WASHC2A: variants seen among roughly 807,000 people sequenced by gnomAD.
WASHC2A encodes WASH complex subunit 2A.
WASHC2A carries 82 observed loss-of-function variants against 140.3 expected under a neutral mutation model. The observed-to-expected ratio is 0.58, with a 90% CI of 0.49 to 0.70. The LOEUF (loss-of-function observed/expected upper bound fraction) is 0.70, where lower values mean the gene tolerates loss of function less well. WASHC2A is among the 30% of genes least tolerant of loss of function. WASHC2A has a pLI of 0.00. For synonymous variants in WASHC2A, 340 were observed against 560.8 expected, an observed-to-expected ratio of 0.61 and a Z score of 5.56; for missense variants, 985 against 1,521.8, an observed-to-expected ratio of 0.65 and a Z score of 5.87.
intron 26 of WASHC2A, 94 bp from the exon 27 acceptor site, chr10:50,127,066 A>G: frequency 1.5e-6 from 2 of 1,375,480 alleles, no homozygotes; most frequent in Non-Finnish European, 2.1e-6. Context: ...AGAAAGTGAC[A>G]GTTTTGCTCC....
chr10:50,091,495 G>A lies in WASHC2A; in HGVS notation c.908G>A (p.Gly303Asp). Residue 303 changes from glycine (G) to aspartate (D), a missense_variant, in exon 10 of 31, where the codon GGT (glycine) becomes GAT (aspartate). Transcript: ENST00000282633. ...GCCCGCATCAAGGGGGATGCCGTGG[G>A]TCGAGTGGACGAGGAGCCGACAAGT... ...LAARIKGDAV[G>D]RVDEEPTTLP... 2 of 1,550,340 alleles carry A rather than the reference G, an allele frequency of 1.3e-6. No homozygotes were observed. Among genetic ancestry groups the A allele is most frequent in the Non-Finnish European group, 8.7e-7 (1 of 1,147,094 alleles).
At chr10:50,117,575 G>A (rs1349635021) in intron 21 of WASHC2A, among the ~76,000 whole-genome samples, 45 of 148,514 alleles carry the variant, frequency 3.0e-4, no homozygotes, top group African/African-American at 1.1e-3. Flanking sequence ...ATGTCTTCTA[G>A]TTGAAATATA....
At chr10:50,086,117 G>A (rs1208907941) in intron 7 of WASHC2A, among the ~76,000 whole-genome samples, 2 of 151,326 alleles carry the variant, frequency 1.3e-5, no homozygotes, top group Admixed American at 6.6e-5. Context: ...TGGGATATTC[G>A]TTATTGCAAA....
At position 50,093,305 on chromosome 10, in the gene WASHC2A, C is replaced by A. The variant is rs200610712; in HGVS notation, c.1041C>A (p.Thr347=). The A allele has an allele frequency of 2.8e-6, 4 of 1,429,856 alleles. No homozygotes were observed. Among genetic ancestry groups the A allele is most frequent in the Non-Finnish European group, 3.9e-6 (4 of 1,032,864 alleles). 88.6% of individuals were successfully genotyped at this position (1,429,856 alleles called of 1,614,324 possible). A position where few individuals can be genotyped will look rare whatever the true frequency, so the allele number is the denominator to read the frequency against. ...EDNLFAPPKL[T]DEDFSPFGSG... is the part of the protein sequence containing the mutation. ...ACTTATTCGCACCCCCCAAGCTGAC[C>A]GACGAGGACTTCTCGCCATTTGGCT... Residue 347 remains threonine (T), a synonymous_variant, in exon 12 of 31, where the codon ACC becomes ACA. Coordinates refer to ENST00000282633, the MANE Select transcript of WASHC2A (RefSeq NM_001005751.3).
chr10:50,109,401 T>A (rs1357701956), intron 19 of WASHC2A, among the ~76,000 whole-genome samples: 2 of 152,234 alleles, frequency 1.3e-5, no homozygotes. Flanking sequence ...GCTTTAGGAT[T>A]TTTAGAATTA....
intron 17 of WASHC2A, among the ~76,000 whole-genome samples, 177 bp from the exon 18 acceptor site, chr10:50,103,865 C>G (rs1406101314): frequency 3.9e-5 from 6 of 152,108 alleles, no homozygotes; most frequent in African/African-American, 1.4e-4. Flanking sequence ...TGCACACACC[C>G]TGCACAGACC....
chr10:50,111,514 G>A (rs1185263686), intron 20 of WASHC2A, among the ~76,000 whole-genome samples: 6 of 152,054 alleles, frequency 3.9e-5, no homozygotes, highest in Non-Finnish European at 8.8e-5. Flanking sequence ...AATAAAAACA[G>A]CATTTCTCTC....
intron 13 of WASHC2A, among the ~76,000 whole-genome samples, chr10:50,094,666 T>C (rs1326740146): frequency 3.3e-5 from 5 of 152,090 alleles, no homozygotes; most frequent in African/African-American, 1.2e-4. Flanking sequence ...GGCTCTCCTC[T>C]GCTTTCTGCT....
At position 50,116,317 on chromosome 10, in the gene WASHC2A, TA is replaced by T. The variant is rs1341243955; in HGVS notation, c.2143-1588del. Among the ~76,000 whole-genome samples, 431 of 81,092 alleles carry T rather than the reference TA, an allele frequency of 5.3e-3. 155 individuals carry two copies. Among genetic ancestry groups the T allele is most frequent in the African/African-American group, 0.022 (410 of 18,486 alleles). 53.2% of individuals were successfully genotyped at this position (81,092 alleles called of 152,430 possible). A position where few individuals can be genotyped will look rare whatever the true frequency, so the allele number is the denominator to read the frequency against. On this transcript the variant is annotated intron_variant, in intron 21 of 30. Transcript: ENST00000282633. The stretch of plus-strand genomic sequence containing the variant: ...TCAACTATTTGCATTGAATTATTAT[TA>T]TTTTTTTTTTTTTTTGAGACGGAGT...
intron 28 of WASHC2A, among the ~76,000 whole-genome samples, chr10:50,128,965 G>A (rs1294611920): frequency 9.9e-5 from 15 of 151,744 alleles, no homozygotes; most frequent in Admixed American, 2.6e-4. Context: ...GTTTCTCCCC[G>A]CTCCTGGAGC....
chr10:50,113,666 G>A (rs1362149732), intron 20 of WASHC2A, among the ~76,000 whole-genome samples: 2 of 139,258 alleles, frequency 1.4e-5, no homozygotes, highest in Admixed American at 1.5e-4. Context: ...ACAGGAAAGG[G>A]GCAACCTGAG....
At chr10:50,116,056 C>A (rs1842643518) in intron 21 of WASHC2A, among the ~76,000 whole-genome samples, 1 of 106,312 alleles carries the variant, frequency 9.4e-6, no homozygotes, top group African/African-American at 3.8e-5. Context: ...ATGGATTTTG[C>A]AGTGAGCTGA....
chr10:50,078,736 A>C lies in WASHC2A; in HGVS notation c.353A>C (p.Gln118Pro), dbSNP rs1341898844. The part of the protein sequence containing the change: ...VLKAEAEKTE[Q>P]EKTREQKEVD... Reference sequence around the variant, plus strand: ...AAGGCTGAGGCAGAAAAAACAGAGCAGGTACTTGTATAAAATCACTCTTAG... The same window carrying C: ...AAGGCTGAGGCAGAAAAAACAGAGCCGGTACTTGTATAAAATCACTCTTAG... Residue 118 changes from glutamine (Q) to proline (P), a missense_variant and splice_region_variant, in exon 4 of 31, where the codon CAG (glutamine) becomes CCG (proline). Physicochemically the swap from Gln to Pro is moderately conservative, Grantham distance 76 (BLOSUM62 -1). Transcript: ENST00000282633. 16 of 1,611,796 alleles carry C rather than the reference A, an allele frequency of 9.9e-6. No homozygotes were observed. Among genetic ancestry groups the C allele is most frequent in the Non-Finnish European group, 1.4e-5 (16 of 1,179,850 alleles).
chr10:50,104,000 T>G (rs1445726067), intron 17 of WASHC2A, 42 bp from the exon 18 acceptor site: 10 of 1,501,152 alleles, frequency 6.7e-6, no homozygotes, highest in Non-Finnish European at 9.2e-6. Flanking sequence ...TTTTAAAAAC[T>G]GATATTCCTG....
At chr10:50,118,081 C>T (rs1554892517) in intron 22 of WASHC2A, 23 bp downstream of exon 22, 1 of 1,606,390 alleles carries the variant, frequency 6.2e-7, no homozygotes, top group Non-Finnish European at 8.5e-7. Context: ...CTCTTGTATA[C>T]TTGAATGCAT....
chr10:50,113,672 C>T (rs2132921173), intron 20 of WASHC2A, among the ~76,000 whole-genome samples: 1 of 138,478 alleles, frequency 7.2e-6, no homozygotes, highest in South Asian at 2.6e-4. Flanking sequence ...AAGGGGCAAC[C>T]TGAGGCAGGA....
chr10:50,113,386 A>C (rs1201314363), intron 20 of WASHC2A, among the ~76,000 whole-genome samples: 1 of 151,632 alleles, frequency 6.6e-6, no homozygotes, highest in Non-Finnish European at 1.5e-5. Flanking sequence ...AAATAAAGTA[A>C]ATACAAGGTG....
At position 50,082,953 on chromosome 10, in the gene WASHC2A, AG is replaced by A. The variant is rs1448718627; in HGVS notation, c.529-1114del. 3.4e-5 allele frequency among the ~76,000 whole-genome samples: 4 copies of A among 117,800 alleles called. 1 individual carries two copies. The highest frequency in any genetic ancestry group is 6.9e-5 in the Non-Finnish European group (4 of 57,732). The allele number at this position is 117,800 out of a possible 152,430, so 77.3% of individuals were successfully genotyped here. ...CTAAATTCAACAGTGTGGAACCACTAGGGGGTATTGTTCTTCTGTTTATTGA... is the reference window on the plus strand; with the variant it reads ...CTAAATTCAACAGTGTGGAACCACTAGGGGTATTGTTCTTCTGTTTATTGA... On this transcript the variant is annotated intron_variant, in intron 5 of 30. Coordinates refer to ENST00000282633, the MANE Select transcript of WASHC2A (RefSeq NM_001005751.3).
intron 4 of WASHC2A, among the ~76,000 whole-genome samples, chr10:50,079,372 A>T (rs1422853426): frequency 5.9e-4 from 90 of 152,264 alleles, no homozygotes; most frequent in African/African-American, 2.1e-3. Flanking sequence ...TTTTAAAAAA[A>T]GTTATTTTAT....
Sources: allele counts gnomAD v4.1 joint callset (sites outside exome capture counted in the v4.1 genomes callset), GRCh38; gene constraint gnomAD v4.1.1; transcripts MANE v1.5; gene names NCBI Gene and HGNC (gene_info 2026-07-23, HGNC 2026-07-21).